The following NHSL1 variants were observed in gnomAD, a reference collection of about 807,000 sequenced individuals.
NHSL1 encodes the protein NHS-like protein 1.
NHSL1 carries 48 observed loss-of-function variants against 95.0 expected under a neutral mutation model. The ratio of observed to expected loss-of-function variants is 0.51; its 90% CI spans 0.40 to 0.64. NHSL1 has a LOEUF of 0.64. Ranked by LOEUF, NHSL1 falls within the 30% of genes least tolerant of loss-of-function variation. The pLI, the probability that NHSL1 is intolerant of heterozygous loss-of-function variation, is 0.00. For synonymous variants in NHSL1, 783 were observed against 833.9 expected, an observed-to-expected ratio of 0.94 and a Z score of 1.05; for missense variants, 1,971 against 2,077.7, an observed-to-expected ratio of 0.95 and a Z score of 1.00.
At chr6:138,620,069 C>A (rs2114625086) in intron 1 of NHSL1, among the ~76,000 whole-genome samples, 2 of 150,386 alleles carry the variant, frequency 1.3e-5, no homozygotes, top group South Asian at 4.2e-4. Context: ...TTTAAAGATA[C>A]TCCTTAACAC....
intron 1 of NHSL1, among the ~76,000 whole-genome samples, chr6:138,592,738 G>T (rs949938248): frequency 4.6e-5 from 7 of 152,154 alleles, no homozygotes; most frequent in African/African-American, 1.7e-4. Flanking sequence ...ATTTTAGTGG[G>T]CTGGTCTAAA....
intron 1 of NHSL1, among the ~76,000 whole-genome samples, chr6:138,569,880 T>A (rs1268300042): frequency 2.7e-5 from 4 of 147,578 alleles, no homozygotes; most frequent in East Asian, 2.0e-4. Flanking sequence ...CCCAATTATT[T>A]AAAAAAAAAA....
At position 138,424,044 on chromosome 6, in the gene NHSL1, T is replaced by TC. The variant is rs775469897; in HGVS notation, c.*36dup. ...TTCCTAGAGTGCTGCATTGCTCGTC[T>TC]CCCCCCGTGTCACCTGGGAGAGTTA... is the stretch of plus-strand genomic sequence containing the variant. On this transcript the variant is annotated 3_prime_UTR_variant, in exon 8 of 8. Coordinates refer to ENST00000343505, the MANE Select transcript of NHSL1 (RefSeq NM_001144060.2). This position sits in a 1 kb window ranked among gnomAD's most constrained non-coding sequence, Gnocchi z 5.9. 59 of 1,345,692 alleles carry TC rather than the reference T, an allele frequency of 4.4e-5. No homozygotes were observed. Among genetic ancestry groups the TC allele is most frequent in the East Asian group, 2.1e-4 (8 of 37,490 alleles). 83.4% of individuals were successfully genotyped at this position (1,345,692 alleles called of 1,614,324 possible). A position where few individuals can be genotyped will look rare whatever the true frequency, so the allele number is the denominator to read the frequency against.
chr6:138,495,727 C>T (rs369883506), intron 2 of NHSL1, among the ~76,000 whole-genome samples: 1 of 152,202 alleles, frequency 6.6e-6, no homozygotes. Flanking sequence ...TTTCACACTG[C>T]TGAAAAAGAT....
chr6:138,676,502 A>C (rs1785450335), intron 1 of NHSL1, among the ~76,000 whole-genome samples: 1 of 152,198 alleles, frequency 6.6e-6, no homozygotes, highest in Non-Finnish European at 1.5e-5. Context: ...TCTATATCTC[A>C]TTTTATCCAC....
intron 1 of NHSL1, among the ~76,000 whole-genome samples, chr6:138,536,020 A>AG (rs1782326423): frequency 6.6e-6 from 1 of 152,170 alleles, no homozygotes; most frequent in Admixed American, 6.5e-5. Flanking sequence ...TCACACACAG[A>AG]GGTTGAAGGT....
intron 1 of NHSL1, among the ~76,000 whole-genome samples, chr6:138,607,471 T>C (rs909288512): frequency 1.3e-5 from 2 of 152,240 alleles, no homozygotes; most frequent in Non-Finnish European, 2.9e-5. Context: ...AGCAATGTAA[T>C]TTTCAATTTA....
rs769534036 is a variant in NHSL1, at chr6:138,516,588, TTTGTTG to T, written c.17-20223_17-20218del. Reference sequence around the variant, plus strand: ...AGCAATGGTTGAACATCAAAGTTGTTTTGTTGTTGTTGTTGTTGTTGTTGTTAATTT... The same window carrying T: ...AGCAATGGTTGAACATCAAAGTTGTTTTGTTGTTGTTGTTGTTGTTAATTT... On this transcript the variant is annotated intron_variant, in intron 1 of 4. Coordinates refer to the NHSL1 transcript ENST00000342260. Among the ~76,000 whole-genome samples the T allele has an allele frequency of 1.9e-3, 292 of 151,848 alleles. 5 individuals are homozygous for T. In the East Asian group the frequency reaches 0.037, roughly 19 times the overall value.
At chr6:138,520,500 G>A (rs955675090) in intron 1 of NHSL1, among the ~76,000 whole-genome samples, 18 of 152,092 alleles carry the variant, frequency 1.2e-4, no homozygotes, top group Admixed American at 1.1e-3. Context: ...ATGTTGGCCA[G>A]GCTGGTCTTA....
chr6:138,541,016 T>C (rs545513175), intron 1 of NHSL1, among the ~76,000 whole-genome samples: 1 of 152,280 alleles, frequency 6.6e-6, no homozygotes, highest in Middle Eastern at 3.4e-3. Context: ...GCTTATAAAA[T>C]ATAGTGAAAT....
intron 1 of NHSL1, among the ~76,000 whole-genome samples, chr6:138,675,610 C>T (rs1173119531): frequency 6.6e-6 from 1 of 152,144 alleles, no homozygotes; most frequent in Non-Finnish European, 1.5e-5. Context: ...TCTCAGCTCA[C>T]TGGAACCTCC....
intron 2 of NHSL1, among the ~76,000 whole-genome samples, chr6:138,476,749 A>G (rs1414559365): frequency 6.6e-6 from 1 of 151,916 alleles, no homozygotes; most frequent in Non-Finnish European, 1.5e-5. Context: ...AATTGCTTGA[A>G]CTTGGGAGGC....
At chr6:138,501,692 C>T (rs1313916691), upstream of NHSL1, among the ~76,000 whole-genome samples, 1 of 152,210 alleles carries the variant, frequency 6.6e-6, no homozygotes, top group Non-Finnish European at 1.5e-5. Flanking sequence ...AATTTCCTTT[C>T]TCACTCAATA....
intron 1 of NHSL1, among the ~76,000 whole-genome samples, chr6:138,517,222 C>G (rs1304988780): frequency 6.6e-6 from 1 of 152,176 alleles, no homozygotes; most frequent in African/African-American, 2.4e-5. Context: ...TCTACTTAGC[C>G]TCTGTTCTCA....
intron 1 of NHSL1, among the ~76,000 whole-genome samples, chr6:138,654,765 A>C (rs1447775314): frequency 1.3e-5 from 2 of 152,182 alleles, no homozygotes; most frequent in Admixed American, 6.6e-5. Flanking sequence ...AACAAAAAAA[A>C]CACTATTCCA....
At chr6:138,610,716 C>T (rs1784500879) in intron 1 of NHSL1, among the ~76,000 whole-genome samples, 1 of 152,026 alleles carries the variant, frequency 6.6e-6, no homozygotes, top group African/African-American at 2.4e-5. Context: ...ATTGTCCACA[C>T]TTACTCATCT....
intron 1 of NHSL1, among the ~76,000 whole-genome samples, chr6:138,663,432 G>A (rs1411832674): frequency 6.6e-6 from 1 of 151,494 alleles, no homozygotes; most frequent in African/African-American, 2.4e-5. Flanking sequence ...GGTGGTGCAT[G>A]CCTGTAATCT....
chr6:138,450,197 C>T (rs1282724797), intron 3 of NHSL1, among the ~76,000 whole-genome samples: 2 of 152,108 alleles, frequency 1.3e-5, no homozygotes, highest in Non-Finnish European at 2.9e-5. Context: ...GATGTGCACA[C>T]ACACACACAC....
At position 138,431,904 on chromosome 6, in the gene NHSL1, C is replaced by T. The variant is rs865982478; in HGVS notation, c.2441G>A (p.Arg814His). 2.0e-5 allele frequency: 31 copies of T among 1,551,596 alleles called. No individual in the cohort carries two copies. Among genetic ancestry groups the T allele is most frequent in the Admixed American group, 9.8e-5 (5 of 50,990 alleles). ...SGVPTGNGPV[R>H]HVQEGSRATM... ...GGCTCTGGACCCTTCTTGGACATGG[C>T]GGACTGGCCCGTTCCCAGTGGGCAC... Residue 814 changes from arginine to histidine, a missense_variant, in exon 6 of 8, where the codon CGC becomes CAC. Arg to His is a conservative substitution (Grantham distance 29). Coordinates refer to ENST00000343505, the MANE Select transcript of NHSL1 (RefSeq NM_001144060.2). This position sits in a 1 kb window ranked among gnomAD's most constrained non-coding sequence, Gnocchi z 4.0.
Sources: gnomAD v4.1 joint callset for allele counts (sites outside exome capture counted in the v4.1 genomes callset) on GRCh38, gnomAD v4.1.1 for gene constraint, Gnocchi (gnomAD v3.1) non-coding constraint, MANE v1.5 for transcripts, NCBI Gene and HGNC (gene_info 2026-07-23, HGNC 2026-07-21) for gene names.